The following SAMMSON variants were observed in gnomAD, a reference collection of about 807,000 sequenced individuals.
The protein encoded by SAMMSON is long intergenic non-protein coding RNA 1212.
intron 4 of SAMMSON, among the ~76,000 whole-genome samples, chr3:70,214,792 G>C (rs1186129056): frequency 2.6e-5 from 4 of 151,996 alleles, no homozygotes; most frequent in Non-Finnish European, 4.4e-5. Context: ...AAAGCAGTTT[G>C]CAATTATGAG....
intron 2 of SAMMSON, among the ~76,000 whole-genome samples, chr3:70,399,657 G>C (rs1243947082): frequency 6.6e-6 from 1 of 152,066 alleles, no homozygotes; most frequent in Non-Finnish European, 1.5e-5. Flanking sequence ...CCTGAGGTCA[G>C]GAGTTTGAGA....
intron 9 of SAMMSON, among the ~76,000 whole-genome samples, chr3:70,365,331 G>A (rs998672700): frequency 6.6e-6 from 1 of 151,224 alleles, no homozygotes; most frequent in African/African-American, 2.4e-5. Context: ...ATATATATGT[G>A]TGTGTATATG....
At chr3:70,390,550 A>G (rs1701036811), downstream of SAMMSON, among the ~76,000 whole-genome samples, 1 of 152,086 alleles carries the variant, frequency 6.6e-6, no homozygotes, top group Admixed American at 6.6e-5. Flanking sequence ...CAAAAGCAGG[A>G]GCAAGAGAGA....
At chr3:70,108,840 C>T (rs2067377810) in intron 4 of SAMMSON, among the ~76,000 whole-genome samples, 1 of 152,044 alleles carries the variant, frequency 6.6e-6, no homozygotes, top group Admixed American at 6.6e-5. Flanking sequence ...GTTTCCAGAC[C>T]AATGAAAAGC....
intron 4 of SAMMSON, among the ~76,000 whole-genome samples, chr3:70,129,060 T>G (rs2067470035): frequency 6.6e-6 from 1 of 152,186 alleles, no homozygotes; most frequent in Non-Finnish European, 1.5e-5. Flanking sequence ...TATTTTCTAT[T>G]AAAAATAACA....
At chr3:70,420,023 C>CT (rs1464450262) in intron 2 of SAMMSON, among the ~76,000 whole-genome samples, 2 of 152,178 alleles carry the variant, frequency 1.3e-5, no homozygotes, top group African/African-American at 4.8e-5. Flanking sequence ...CCCAAAAACT[C>CT]TTTGAGAGAT....
chr3:70,057,954 A>G (rs894491426), intron 3 of SAMMSON, among the ~76,000 whole-genome samples: 5 of 152,066 alleles, frequency 3.3e-5, no homozygotes, highest in African/African-American at 1.2e-4. Context: ...GAAACTTGAG[A>G]TATCTATTTG....
rs1015686205 is a variant in SAMMSON at position 70,333,371 on chromosome 3, A to G, written n.740-20804A>G. On this transcript the variant is annotated intron_variant and non_coding_transcript_variant, in intron 7 of 9. Transcript: ENST00000642114. Reference sequence around the variant, plus strand: ...AAATATTAAATAATAAGTAAATTAAAATAATAAAAAATATTTAAATATTCA... The same window carrying G: ...AAATATTAAATAATAAGTAAATTAAGATAATAAAAAATATTTAAATATTCA... 3.3e-5 allele frequency among the ~76,000 whole-genome samples: 5 copies of G among 152,006 alleles called. 1 individual carries two copies. Among genetic ancestry groups the G allele is most frequent in the African/African-American group, 1.2e-4 (5 of 41,556 alleles).
chr3:70,230,672 A>G (rs543034755), intron 4 of SAMMSON, among the ~76,000 whole-genome samples: 52 of 152,308 alleles, frequency 3.4e-4, no homozygotes, highest in African/African-American at 1.2e-3. Flanking sequence ...CGGTAATTTG[A>G]TAATCAATTC....
chr3:70,391,035 T>C (rs1248109530), downstream of SAMMSON, among the ~76,000 whole-genome samples: 2 of 152,176 alleles, frequency 1.3e-5, no homozygotes, highest in African/African-American at 2.4e-5. Context: ...CATTTCATCA[T>C]GGCCAGACCA....
At chr3:70,093,630 G>T (rs1006769208) in intron 4 of SAMMSON, among the ~76,000 whole-genome samples, 3 of 152,108 alleles carry the variant, frequency 2.0e-5, no homozygotes, top group Admixed American at 6.6e-5. Context: ...GGATACAAGG[G>T]TGGGGTTTGG....
intron 4 of SAMMSON, among the ~76,000 whole-genome samples, chr3:70,139,177 C>A (rs376518233): frequency 6.6e-6 from 1 of 152,118 alleles, no homozygotes; most frequent in Non-Finnish European, 1.5e-5. Context: ...GCTAGGACTA[C>A]AGACACATGA....
intron 3 of SAMMSON, among the ~76,000 whole-genome samples, chr3:70,022,241 G>A (rs940651780): frequency 2.3e-5 from 3 of 132,630 alleles, no homozygotes; most frequent in African/African-American, 8.3e-5. Context: ...CCCCCCAAAT[G>A]TACCTAATTT....
At chr3:70,019,616 C>G (rs750591169) in intron 3 of SAMMSON, among the ~76,000 whole-genome samples, 1 of 152,082 alleles carries the variant, frequency 6.6e-6, no homozygotes, top group Non-Finnish European at 1.5e-5. Context: ...TGAATTTGAT[C>G]CTGTCATTAT....
chr3:70,008,126 T>C (rs953061444), intron 1 of SAMMSON, among the ~76,000 whole-genome samples: 5 of 152,110 alleles, frequency 3.3e-5, no homozygotes, highest in African/African-American at 1.2e-4. Flanking sequence ...CTTGGCGATG[T>C]GGGCTCTTTT....
chr3:70,154,017 C>A (rs570364633), intron 4 of SAMMSON, among the ~76,000 whole-genome samples: 1 of 148,142 alleles, frequency 6.8e-6, no homozygotes, highest in African/African-American at 2.4e-5. Flanking sequence ...ATTTATCCTG[C>A]TATTTTTTTT....
At position 70,320,630 on chromosome 3, in the gene SAMMSON, T is replaced by A. The variant is rs1575625149; in HGVS notation, n.739+29387T>A. Among the ~76,000 whole-genome samples the A allele has an allele frequency of 2.6e-5, 4 of 152,182 alleles. No homozygotes were observed. The South Asian group carries it at 8.3e-4, about 32-fold the overall frequency. Reference sequence around the variant, plus strand: ...ACCTTATTTAGAATTGATTTCTTCTTAGAAGAGGACCATCATTACTGACAG... The same window carrying A: ...ACCTTATTTAGAATTGATTTCTTCTAAGAAGAGGACCATCATTACTGACAG... On this transcript the variant is annotated intron_variant and non_coding_transcript_variant, in intron 7 of 9. Transcript: ENST00000642114.
At chr3:70,306,771 C>T (rs1184745913) in intron 7 of SAMMSON, among the ~76,000 whole-genome samples, 1 of 151,960 alleles carries the variant, frequency 6.6e-6, no homozygotes, top group East Asian at 1.9e-4. Flanking sequence ...AATAAAATGT[C>T]CCACTAAAAC....
intron 1 of SAMMSON, among the ~76,000 whole-genome samples, chr3:70,005,246 A>G (rs1415156366): frequency 6.6e-6 from 1 of 152,106 alleles, no homozygotes; most frequent in East Asian, 1.9e-4. Flanking sequence ...ATATTGATGA[A>G]TAACAGAGCA....
Sources: allele counts gnomAD v4.1 joint callset (sites outside exome capture counted in the v4.1 genomes callset), GRCh38; gene constraint gnomAD v4.1.1; transcripts MANE v1.5; gene names NCBI Gene and HGNC (gene_info 2026-07-23, HGNC 2026-07-21).